The following MYO10 variants were observed in gnomAD, a reference collection of about 807,000 sequenced individuals.
The protein encoded by MYO10 is unconventional myosin-X.
Under a neutral mutation model 257.3 loss-of-function variants are expected in MYO10, and 133 were observed. That is an observed-to-expected ratio of 0.52 (90% CI 0.45 to 0.60). MYO10 has a LOEUF of 0.60. MYO10 is among the 20% of genes least tolerant of loss of function. MYO10 has a pLI of 0.00. For synonymous variants in MYO10, 1,104 were observed against 1,028.6 expected (o/e 1.07, Z -1.40); for missense variants, 2,399 against 2,635.7 (o/e 0.91, Z 1.97).
intron 19 of MYO10, among the ~76,000 whole-genome samples, chr5:16,750,413 A>C (rs1018751625): frequency 1.6e-4 from 24 of 152,202 alleles, no homozygotes; most frequent in Admixed American, 3.9e-4. Context: ...AATTAAAAAA[A>C]AAAAAATTAA....
At chr5:16,783,602 T>C (rs4702172) in intron 4 of MYO10, 133 bp from the exon 5 acceptor site, 498,685 of 971,702 alleles carry the variant, frequency 0.51, 131,147 homozygotes, top group Middle Eastern at 0.6. Flanking sequence ...AAAATGCCTG[T>C]TTCCAAAGAG....
At chr5:16,869,370 T>C (rs1050495818) in intron 2 of MYO10, among the ~76,000 whole-genome samples, 8 of 151,546 alleles carry the variant, frequency 5.3e-5, no homozygotes, top group Non-Finnish European at 1.2e-4. Context: ...TCAGGTCACC[T>C]GAGGCCAGGA....
intron 21 of MYO10, among the ~76,000 whole-genome samples, chr5:16,706,592 C>A (rs1030031751): frequency 1.1e-4 from 16 of 152,028 alleles, no homozygotes; most frequent in Admixed American, 3.9e-4. Context: ...ACGAAAGAGA[C>A]AAAAGTGTCA....
At chr5:16,716,469 G>C (rs1192462827) in intron 19 of MYO10, among the ~76,000 whole-genome samples, 1 of 116,376 alleles carries the variant, frequency 8.6e-6, no homozygotes, top group Non-Finnish European at 1.8e-5. Flanking sequence ...GAACATTACC[G>C]AGCCTTCCAT....
At chr5:16,898,935 T>TCGA (rs1745297313) in intron 1 of MYO10, among the ~76,000 whole-genome samples, 1 of 114,476 alleles carries the variant, frequency 8.7e-6, no homozygotes, top group Non-Finnish European at 1.9e-5. Flanking sequence ...CACCTGAGCC[T>TCGA]GGCCACCTGG....
chr5:16,754,969 T>C, intron 18 of MYO10, 61 bp from the exon 19 acceptor site: 1 of 1,068,946 alleles, frequency 9.4e-7, no homozygotes, highest in Non-Finnish European at 1.4e-6. Flanking sequence ...AATTTCTCAG[T>C]ACTCTAGGCA....
intron 2 of MYO10, among the ~76,000 whole-genome samples, chr5:16,873,940 G>A (rs1714029944): frequency 6.6e-6 from 1 of 152,136 alleles, no homozygotes; most frequent in Non-Finnish European, 1.5e-5. Context: ...GAAGGTCTCT[G>A]ATATGGCCTG....
chr5:16,683,639 A>G (rs553720437), intron 30 of MYO10, among the ~76,000 whole-genome samples: 1 of 152,292 alleles, frequency 6.6e-6, no homozygotes, highest in South Asian at 2.1e-4. Context: ...GCTTTTTAAA[A>G]TTGTCCAGGT....
At chr5:16,776,857 G>C (rs1356549234) in intron 9 of MYO10, among the ~76,000 whole-genome samples, 1 of 152,236 alleles carries the variant, frequency 6.6e-6, no homozygotes, top group Non-Finnish European at 1.5e-5. Flanking sequence ...CGAGCTCGCA[G>C]GTGATGGGAC....
At chr5:16,893,945 CA>C (rs1311415477) in intron 1 of MYO10, among the ~76,000 whole-genome samples, 2 of 152,150 alleles carry the variant, frequency 1.3e-5, no homozygotes, top group East Asian at 3.9e-4. Context: ...TGTGACAAGC[CA>C]GCCAGGCAGT....
chr5:16,697,559 G>A (rs1440048461), intron 26 of MYO10, among the ~76,000 whole-genome samples: 2 of 152,090 alleles, frequency 1.3e-5, no homozygotes, highest in African/African-American at 4.8e-5. Flanking sequence ...AATTAGCTGG[G>A]CATTGGCGTG....
chr5:16,853,945 C>T (rs1048050039), intron 2 of MYO10: 5 of 151,976 alleles, frequency 3.3e-5, no homozygotes, highest in Admixed American at 2.0e-4. Flanking sequence ...AAAAAAAAAG[C>T]TGTGCTCATT....
chr5:16,825,603 C>G lies in MYO10; in HGVS notation c.121-7436G>C, dbSNP rs55826395. Among the ~76,000 whole-genome samples, 1,375 of 152,304 alleles carry G rather than the reference C, an allele frequency of 9.0e-3. 25 individuals are homozygous for G. The highest frequency in any genetic ancestry group is 0.031 in the African/African-American group (1,306 of 41,560). On this transcript the variant is annotated intron_variant, in intron 2 of 40. Transcript: ENST00000513610. ...ACTCTGAGGCAGGAACCCAGCCCAT[C>G]TTGTCCCCAGTGCCCAGCCCTGGCA... is the stretch of plus-strand genomic sequence containing the variant.
intron 19 of MYO10, among the ~76,000 whole-genome samples, chr5:16,718,938 A>G (rs890101089): frequency 4.6e-5 from 7 of 152,188 alleles, no homozygotes; most frequent in Non-Finnish European, 8.8e-5. Context: ...CGCCCTGACA[A>G]AACAGGCCAC....
chr5:16,675,221 G>A (rs1736670905), intron 34 of MYO10, 71 bp from the exon 35 acceptor site: 2 of 1,510,802 alleles, frequency 1.3e-6, no homozygotes, highest in Non-Finnish European at 1.8e-6. Flanking sequence ...AATCGGAGCA[G>A]TAGTCAAGAC....
chr5:16,699,046 C>T (rs114854934), intron 26 of MYO10, among the ~76,000 whole-genome samples: 414 of 151,650 alleles, frequency 2.7e-3, no homozygotes, highest in African/African-American at 9.5e-3. Flanking sequence ...GAGAGGGAGA[C>T]AGTGAAAGAG....
At chr5:16,735,598 T>C (rs1213111067) in intron 19 of MYO10, among the ~76,000 whole-genome samples, 1 of 148,468 alleles carries the variant, frequency 6.7e-6, no homozygotes, top group Non-Finnish European at 1.5e-5. Context: ...CCCAGCTACA[T>C]GGGAGGACTG....
At position 16,670,667 on chromosome 5, in the gene MYO10, C is replaced by T. The variant is rs557219583; in HGVS notation, c.5742G>A (p.Lys1914=). ...EEEQMLDMWI[K]EEVSSARASI... ...TGGCTCGAGCAGAGGAGACTTCTTC[C>T]TTAATCCACATGTCCAGCATCTGCT... Residue 1914 remains lysine (K), a synonymous_variant, in exon 39 of 41, where the codon AAG becomes AAA. Coordinates refer to ENST00000513610, the MANE Select transcript of MYO10 (RefSeq NM_012334.3). 5 of 1,614,032 alleles carry T rather than the reference C, an allele frequency of 3.1e-6. No homozygotes were observed. The South Asian group carries it at 4.4e-5, about 14-fold the overall frequency.
At chr5:16,746,519 A>C (rs1024375295) in intron 19 of MYO10, among the ~76,000 whole-genome samples, 2 of 152,208 alleles carry the variant, frequency 1.3e-5, no homozygotes, top group Non-Finnish European at 2.9e-5. Context: ...AGTGAATTTC[A>C]TCATAATTTT....
Sources: gnomAD v4.1 joint callset for allele counts (sites outside exome capture counted in the v4.1 genomes callset) on GRCh38, gnomAD v4.1.1 for gene constraint, MANE v1.5 for transcripts, NCBI Gene and HGNC (gene_info 2026-07-23, HGNC 2026-07-21) for gene names.